The following HDLBP variants were observed in gnomAD, a reference collection of about 807,000 sequenced individuals.
The protein encoded by HDLBP is vigilin.
Under a neutral mutation model 137.3 loss-of-function variants are expected in HDLBP, and 30 were observed. The observed-to-expected ratio is 0.22, with a 90% CI of 0.16 to 0.30. The LOEUF is 0.30. Ranked by LOEUF, HDLBP falls within the 10% of genes least tolerant of loss-of-function variation. The probability of loss-of-function intolerance (pLI) is 1.00; values close to 1 mark genes in which losing one functional copy is unlikely to be tolerated. For missense variants in HDLBP, 1,119 were observed against 1,667.3 expected (o/e 0.67, Z 5.73); for synonymous variants, 606 against 596.0 (o/e 1.02, Z -0.24).
chr2:241,248,876 AG>A (rs2071888033), intron 12 of HDLBP, among the ~76,000 whole-genome samples: 1 of 152,176 alleles, frequency 6.6e-6, no homozygotes, highest in Non-Finnish European at 1.5e-5. Flanking sequence ...AAATGTCAGA[AG>A]AAATACAGAA....
At chr2:241,248,861 C>T (rs2071886645) in intron 12 of HDLBP, among the ~76,000 whole-genome samples, 1 of 152,104 alleles carries the variant, frequency 6.6e-6, no homozygotes, top group Non-Finnish European at 1.5e-5. Flanking sequence ...CCACAGGCCC[C>T]ATTAAAATGT....
chr2:241,284,318 G>A (rs2074725330), intron 1 of HDLBP, among the ~76,000 whole-genome samples: 1 of 151,888 alleles, frequency 6.6e-6, no homozygotes, highest in Admixed American at 6.6e-5. Flanking sequence ...TGACTTTGAG[G>A]GGTTCAAGAC....
At chr2:241,300,557 A>C (rs1387280777) in intron 1 of HDLBP, among the ~76,000 whole-genome samples, 1 of 152,226 alleles carries the variant, frequency 6.6e-6, no homozygotes, top group East Asian at 1.9e-4. Flanking sequence ...AAGAAGAAGA[A>C]TCCTAATGCA....
At chr2:241,297,453 T>C (rs554229484) in intron 1 of HDLBP, among the ~76,000 whole-genome samples, 23 of 152,208 alleles carry the variant, frequency 1.5e-4, no homozygotes, top group Non-Finnish European at 2.9e-4. Context: ...AATAAACTCA[T>C]GCTTTTCAAT....
At chr2:241,236,500 C>T in intron 21 of HDLBP, 115 bp downstream of exon 21, 2 of 1,037,218 alleles carry the variant, frequency 1.9e-6, no homozygotes, top group South Asian at 1.4e-5. Context: ...AAGAGGGCTA[C>T]CTCCACTGCC....
intron 16 of HDLBP, among the ~76,000 whole-genome samples, chr2:241,243,899 A>G (rs1478894362): frequency 6.6e-6 from 1 of 152,234 alleles, no homozygotes; most frequent in African/African-American, 2.4e-5. Context: ...GAATAGGGGG[A>G]AAACCCATAA....
At chr2:241,288,246 AAT>A (rs2074898470) in intron 1 of HDLBP, among the ~76,000 whole-genome samples, 2 of 152,324 alleles carry the variant, frequency 1.3e-5, no homozygotes, top group East Asian at 3.9e-4. Flanking sequence ...TCTGAATTAA[AAT>A]TTTTTTTTGT....
At chr2:241,311,537 G>T (rs988846060) in intron 1 of HDLBP, among the ~76,000 whole-genome samples, 11 of 152,196 alleles carry the variant, frequency 7.2e-5, no homozygotes, top group African/African-American at 2.4e-4. Flanking sequence ...GGCGCTGGGA[G>T]AGATTTATTC....
chr2:241,285,209 C>A (rs964345158), intron 1 of HDLBP, among the ~76,000 whole-genome samples: 1 of 152,188 alleles, frequency 6.6e-6, no homozygotes, highest in Non-Finnish European at 1.5e-5. Context: ...AAAGTATATA[C>A]CATTGTTTTT....
chr2:241,273,460 C>G lies in HDLBP; in HGVS notation c.-102-4919G>C, dbSNP rs1346543553. On this transcript the variant is annotated intron_variant, in intron 1 of 27. Coordinates refer to ENST00000310931, the MANE Select transcript of HDLBP (RefSeq NM_005336.6). ...AACCGGTGTGTGGCCTCTGAGCCCA[C>G]GGTGGATACGCAGGACTGGGCGGAA... 6.3e-6 allele frequency: 3 copies of G among 475,812 alleles called. No homozygotes were observed. In the African/African-American group the frequency reaches 6.3e-5, roughly 10 times the overall value. The allele number at this position is 475,812 out of a possible 1,614,324, so 29.5% of individuals were successfully genotyped here.
Position 241,242,658 on chromosome 2 carries a change from C to T in HDLBP, c.1971G>A (p.Glu657=). ...QKDLANIAEV[E]VSIPAKLHNS... ...TGTGCAGCTTGGCAGGGATGGAGAC[C>T]TCTACCTCGGCTATGTTGGCCTGAA... The change falls in exon 17 of 28, where the codon GAG becomes GAA. Residue 657 remains glutamate (E), a synonymous_variant. Transcript: ENST00000310931. The T allele has an allele frequency of 6.2e-7, 1 of 1,613,900 alleles. No homozygotes were observed.
intron 5 of HDLBP, among the ~76,000 whole-genome samples, chr2:241,259,823 C>T (rs1381380893): frequency 6.6e-6 from 1 of 152,028 alleles, no homozygotes; most frequent in Non-Finnish European, 1.5e-5. Flanking sequence ...CTGAAAAAGC[C>T]TAGAAGCTCT....
At chr2:241,236,807 T>TG in intron 20 of HDLBP, 38 bp from the exon 21 acceptor site, 5 of 1,605,106 alleles carry the variant, frequency 3.1e-6, no homozygotes, top group Non-Finnish European at 4.3e-6. Context: ...TGACAGCTGC[T>TG]GGAAGAGACC....
chr2:241,272,706 G>A lies in HDLBP; in HGVS notation c.-102-4165C>T, dbSNP rs926593800. Reference sequence around the variant, plus strand: ...CCCCCACCCCCCCGCCCGGCAGCCCGCCCGCCCCGTCCGCCCGCCCGCCCA... The same window carrying A: ...CCCCCACCCCCCCGCCCGGCAGCCCACCCGCCCCGTCCGCCCGCCCGCCCA... On this transcript the variant is annotated intron_variant, in intron 1 of 27. Transcript: ENST00000310931. The surrounding 1 kb of genome is among the most constrained non-coding windows in gnomAD (Gnocchi z 5.6). The A allele has an allele frequency of 1.3e-5, 7 of 532,248 alleles. No individual in the cohort carries two copies. The highest frequency in any genetic ancestry group is 4.9e-5 in the African/African-American group (1 of 20,550). 33.0% of individuals were successfully genotyped at this position (532,248 alleles called of 1,614,324 possible). A position where few individuals can be genotyped will look rare whatever the true frequency, so the allele number is the denominator to read the frequency against.
chr2:241,285,240 A>G (rs2149631853), intron 1 of HDLBP, among the ~76,000 whole-genome samples: 2 of 152,360 alleles, frequency 1.3e-5, no homozygotes, highest in East Asian at 3.9e-4. Context: ...TACAGCTTTT[A>G]TATGCACTGG....
Position 241,240,604 on chromosome 2 carries a change from T to C in HDLBP, c.2170-482A>G, listed in dbSNP as rs2071108380. Among the ~76,000 whole-genome samples the C allele has an allele frequency of 6.6e-6, 1 of 152,104 alleles. No individual in the cohort carries two copies. The highest frequency in any genetic ancestry group is 2.1e-4 in the South Asian group (1 of 4,824). On this transcript the variant is annotated intron_variant, in intron 17 of 27. Transcript: ENST00000310931. The surrounding 1 kb of genome is among the most constrained non-coding windows in gnomAD (Gnocchi z 5.5). ...CACACAAATCTGGGCCAGGCTCCCTTTCTTCCCACGAGTGCTACAGATCAG... is the reference window on the plus strand; with the variant it reads ...CACACAAATCTGGGCCAGGCTCCCTCTCTTCCCACGAGTGCTACAGATCAG...
At chr2:241,287,712 G>A (rs879443047) in intron 1 of HDLBP, among the ~76,000 whole-genome samples, 3 of 152,190 alleles carry the variant, frequency 2.0e-5, no homozygotes, top group Non-Finnish European at 4.4e-5. Context: ...GTGAGCCACT[G>A]CGCCTGGCCT....
intron 1 of HDLBP, among the ~76,000 whole-genome samples, chr2:241,314,904 G>A (rs1172443715): frequency 6.6e-6 from 1 of 152,158 alleles, no homozygotes; most frequent in Admixed American, 6.5e-5. Flanking sequence ...TTTGCGCCAA[G>A]CCTTGACGTG....
Position 241,238,903 on chromosome 2 carries a change from G to C in HDLBP, c.2611-116C>G. On this transcript the variant is annotated intron_variant, in intron 19 of 27. Transcript: ENST00000310931. This position sits in a 1 kb window ranked among gnomAD's most constrained non-coding sequence, Gnocchi z 4.9. The stretch of plus-strand genomic sequence containing the variant: ...CTGTCCTCTACAGCCACTTGGCACA[G>C]ATGCTCCCCTTCTCCCGAGTCCAGG... 1 of 780,078 alleles carries C rather than the reference G, an allele frequency of 1.3e-6. No individual in the cohort carries two copies. The highest frequency in any genetic ancestry group is 1.9e-6 in the Non-Finnish European group (1 of 521,806). The allele number at this position is 780,078 out of a possible 1,614,324, so 48.3% of individuals were successfully genotyped here.
Sources: gnomAD v4.1 joint callset for allele counts (sites outside exome capture counted in the v4.1 genomes callset) on GRCh38, gnomAD v4.1.1 for gene constraint, Gnocchi (gnomAD v3.1) non-coding constraint, MANE v1.5 for transcripts, NCBI Gene and HGNC (gene_info 2026-07-23, HGNC 2026-07-21) for gene names.